PDE4B: variants seen among roughly 807,000 people sequenced by gnomAD.
The protein encoded by PDE4B is phosphodiesterase 4B.
Under a neutral mutation model 82.2 loss-of-function variants are expected in PDE4B, and 20 were observed. That is an observed-to-expected ratio of 0.24 (90% CI 0.17 to 0.35). The LOEUF (loss-of-function observed/expected upper bound fraction) is 0.35. Among genes scored for constraint, PDE4B ranks in the 10% least tolerant of loss-of-function variants. The probability of loss-of-function intolerance (pLI) is 1.00; values close to 1 mark genes in which losing one functional copy is unlikely to be tolerated. For synonymous variants in PDE4B, 320 were observed against 318.9 expected (o/e 1.00, Z -0.04); for missense variants, 655 against 907.2 (o/e 0.72, Z 3.57).
At chr1:66,270,782 A>G (rs888470714) in intron 7 of PDE4B, among the ~76,000 whole-genome samples, 11 of 152,252 alleles carry the variant, frequency 7.2e-5, no homozygotes, top group Admixed American at 6.5e-5. Context: ...TTATAAGAAA[A>G]AAGAAAAAGG....
intron 1 of PDE4B, among the ~76,000 whole-genome samples, chr1:65,906,764 G>A (rs1647032170): frequency 6.6e-6 from 1 of 152,050 alleles, no homozygotes; most frequent in African/African-American, 2.4e-5. Flanking sequence ...TGCCCTATTA[G>A]TAATTTACAA....
chr1:66,308,334 T>C (rs1658428890), intron 7 of PDE4B, among the ~76,000 whole-genome samples: 1 of 152,150 alleles, frequency 6.6e-6, no homozygotes, highest in Non-Finnish European at 1.5e-5. Context: ...TGGATTTTTT[T>C]CCGGAAACTT....
intron 3 of PDE4B, among the ~76,000 whole-genome samples, chr1:66,203,841 C>G (rs1649271638): frequency 6.6e-6 from 1 of 152,196 alleles, no homozygotes; most frequent in South Asian, 2.1e-4. Context: ...GCCTTCTTCT[C>G]TCAACTTGTC....
chr1:65,889,475 A>T (rs2100379488), intron 1 of PDE4B, among the ~76,000 whole-genome samples: 1 of 151,968 alleles, frequency 6.6e-6, no homozygotes, highest in Middle Eastern at 3.4e-3. Context: ...TATCAGATTC[A>T]ATATTAATAC....
chr1:66,015,851 G>A (rs534619682), intron 3 of PDE4B, among the ~76,000 whole-genome samples: 3 of 152,082 alleles, frequency 2.0e-5, no homozygotes, highest in Non-Finnish European at 4.4e-5. Flanking sequence ...GTAAAGCATT[G>A]GTTTTGTATT....
At chr1:66,271,706 T>TAA (rs1655492823) in intron 7 of PDE4B, among the ~76,000 whole-genome samples, 3 of 152,218 alleles carry the variant, frequency 2.0e-5, no homozygotes, top group Non-Finnish European at 4.4e-5. Flanking sequence ...GCCTGAATGT[T>TAA]TTGTGTGCAA....
chr1:66,231,637 C>T (rs553884559), intron 3 of PDE4B, among the ~76,000 whole-genome samples: 2 of 152,186 alleles, frequency 1.3e-5, no homozygotes, highest in Admixed American at 6.5e-5. Flanking sequence ...TCCTCAAATA[C>T]TTAAATTTGA....
At chr1:66,329,152 T>C (rs557643896) in intron 7 of PDE4B, among the ~76,000 whole-genome samples, 1 of 152,028 alleles carries the variant, frequency 6.6e-6, no homozygotes, top group Non-Finnish European at 1.5e-5. Flanking sequence ...GGCCTTCAGG[T>C]TGCTGTGAGG....
chr1:65,894,708 A>T (rs1240065887), intron 1 of PDE4B, among the ~76,000 whole-genome samples: 2 of 152,194 alleles, frequency 1.3e-5, no homozygotes, highest in African/African-American at 4.8e-5. Context: ...ATGGGGGAAA[A>T]GTCGAACATC....
chr1:66,022,923 G>T (rs1476650706), intron 3 of PDE4B, among the ~76,000 whole-genome samples: 4 of 152,168 alleles, frequency 2.6e-5, no homozygotes, highest in Non-Finnish European at 5.9e-5. Flanking sequence ...TTTCGGCTGT[G>T]AATCTGTCTG....
At chr1:66,146,358 TATTTTTAGTG>T (rs1557593135) in intron 3 of PDE4B, among the ~76,000 whole-genome samples, 9 of 152,070 alleles carry the variant, frequency 5.9e-5, no homozygotes, top group South Asian at 2.1e-4. Context: ...TATTTTTTTG[TATTTTTAGTG>T]GAGATGGGGT....
At chr1:66,332,034 C>T in intron 7 of PDE4B, 1 of 1,055,596 alleles carries the variant, frequency 9.5e-7, no homozygotes, top group South Asian at 3.5e-5. Flanking sequence ...TTGACTGTTT[C>T]ATTTAGAAGA....
intron 3 of PDE4B, among the ~76,000 whole-genome samples, chr1:66,157,088 C>T (rs931181021): frequency 6.6e-6 from 1 of 152,102 alleles, no homozygotes; most frequent in South Asian, 2.1e-4. Context: ...AAAACTGAAC[C>T]CTGGAGGACC....
At chr1:66,084,408 T>C (rs544848145) in intron 3 of PDE4B, among the ~76,000 whole-genome samples, 2 of 152,200 alleles carry the variant, frequency 1.3e-5, no homozygotes, top group East Asian at 3.9e-4. Context: ...TAAGAGGAAA[T>C]TGAGTAAAGT....
At chr1:65,969,108 A>G (rs1649999334) in intron 3 of PDE4B, among the ~76,000 whole-genome samples, 1 of 152,166 alleles carries the variant, frequency 6.6e-6, no homozygotes, top group Non-Finnish European at 1.5e-5. Context: ...ATGATGCTAT[A>G]ACAAACAACT....
chr1:66,185,411 G>A (rs1460122469), intron 3 of PDE4B, among the ~76,000 whole-genome samples: 3 of 152,120 alleles, frequency 2.0e-5, no homozygotes, highest in Non-Finnish European at 4.4e-5. Flanking sequence ...CTGAGGAATC[G>A]CCACATTGAC....
chr1:66,111,267 A>G (rs944236065), intron 3 of PDE4B, among the ~76,000 whole-genome samples: 4 of 152,128 alleles, frequency 2.6e-5, no homozygotes, highest in Non-Finnish European at 5.9e-5. Context: ...TGTGTAAAAT[A>G]TATATAACAA....
intron 1 of PDE4B, among the ~76,000 whole-genome samples, chr1:65,831,278 A>G (rs1646078659): frequency 6.6e-6 from 1 of 152,146 alleles, no homozygotes; most frequent in Non-Finnish European, 1.5e-5. Flanking sequence ...GGATCAATAT[A>G]ATTGGTAAAC....
At chr1:65,814,457 T>C (rs1424055268) in intron 1 of PDE4B, among the ~76,000 whole-genome samples, 1 of 152,198 alleles carries the variant, frequency 6.6e-6, no homozygotes, top group Non-Finnish European at 1.5e-5. Flanking sequence ...AGAAACTTTA[T>C]TGAGATACTG....
Sources: allele counts gnomAD v4.1 joint callset (sites outside exome capture counted in the v4.1 genomes callset), GRCh38; gene constraint gnomAD v4.1.1; transcripts MANE v1.5; gene names NCBI Gene and HGNC (gene_info 2026-07-23, HGNC 2026-07-21).